The following ZNF215 variants were observed in gnomAD, a reference collection of about 807,000 sequenced individuals.
ZNF215 encodes zinc finger protein 215.
ZNF215 carries 24 observed loss-of-function variants against 27.2 expected under a neutral mutation model. The observed-to-expected ratio is 0.88, with a 90% CI of 0.64 to 1.24. ZNF215 has a LOEUF of 1.24. Ranked by LOEUF, ZNF215 falls within the 50% of genes most tolerant of loss-of-function variation. The pLI is 0.00. For missense variants in ZNF215, 675 were observed against 605.7 expected (o/e 1.11, Z -1.20); for synonymous variants, 210 against 204.0 (o/e 1.03, Z -0.25).
chr11:6,943,191 A>G lies in ZNF215; in HGVS notation c.592A>G (p.Arg198Gly), dbSNP rs1178686518. The change falls in exon 5 of 7, where the codon AGG (arginine) becomes GGG (glycine). Residue 198 changes from arginine (R) to glycine (G), a missense_variant. Physicochemically the swap from Arg to Gly is moderately radical, Grantham distance 125 (BLOSUM62 -2). Transcript: ENST00000278319. ...LYRNVMLENFRNLNSLRKAHL... is the reference protein window; with the variant it reads ...LYRNVMLENFGNLNSLRKAHL... ...CAGGAATGTGATGCTGGAAAACTTT[A>G]GGAACCTGAATTCATTGCGTAAAGG... The G allele has an allele frequency of 1.9e-6, 3 of 1,613,506 alleles. No homozygotes were observed. In the South Asian group the frequency reaches 3.3e-5, roughly 18 times the overall value.
At chr11:6,992,732 G>A (rs781045121), downstream of ZNF215, among the ~76,000 whole-genome samples, 2 of 152,182 alleles carry the variant, frequency 1.3e-5, no homozygotes, top group Non-Finnish European at 2.9e-5. Context: ...AGGTCTGAAC[G>A]AGTCATCCAG....
At chr11:6,940,617 T>G (rs1337908206) in intron 3 of ZNF215, among the ~76,000 whole-genome samples, 1 of 152,220 alleles carries the variant, frequency 6.6e-6, no homozygotes, top group African/African-American at 2.4e-5. Context: ...CCTGATGTGT[T>G]TTAAGAAGTC....
chr11:6,956,639 C>T lies in ZNF215; in HGVS notation c.*108C>T. 1 of 1,414,622 alleles carries T rather than the reference C, an allele frequency of 7.1e-7. No homozygotes were observed. Among genetic ancestry groups the T allele is most frequent in the Non-Finnish European group, 9.2e-7 (1 of 1,090,384 alleles). 87.6% of individuals were successfully genotyped at this position (1,414,622 alleles called of 1,614,324 possible). ...GAATATAATGTAAGAAAACATTTGT[C>T]AGATTTTTCTTTAAATGATATCACA... On this transcript the variant is annotated 3_prime_UTR_variant, in exon 7 of 7. Coordinates refer to ENST00000278319, the MANE Select transcript of ZNF215 (RefSeq NM_013250.4).
downstream of ZNF215, among the ~76,000 whole-genome samples, chr11:6,960,007 T>C (rs889192646): frequency 6.6e-6 from 1 of 152,122 alleles, no homozygotes; most frequent in Non-Finnish European, 1.5e-5. Flanking sequence ...TATGTTGATA[T>C]ATTTTTTGAA....
At position 6,953,594 on chromosome 11, in the gene ZNF215, C is replaced by T. The variant is rs577627232; in HGVS notation, c.713-2096C>T. On this transcript the variant is annotated intron_variant, in intron 6 of 6. Coordinates refer to ENST00000278319, the MANE Select transcript of ZNF215 (RefSeq NM_013250.4). ...TTGGTTTTCAGCTCCATCAGCTACTCTAAGCACTTCTCTGTATTGGTTATT... is the reference window on the plus strand; with the variant it reads ...TTGGTTTTCAGCTCCATCAGCTACTTTAAGCACTTCTCTGTATTGGTTATT... Among the ~76,000 whole-genome samples, 371 of 152,322 alleles carry T rather than the reference C, an allele frequency of 2.4e-3. 2 individuals are homozygous for T. Among genetic ancestry groups the T allele is most frequent in the African/African-American group, 7.8e-3 (325 of 41,580 alleles).
chr11:6,977,335 C>G (rs1306789903), intron 5 of ZNF215, among the ~76,000 whole-genome samples: 8 of 152,036 alleles, frequency 5.3e-5, no homozygotes, highest in Non-Finnish European at 1.2e-4. Context: ...TCCAGCATAT[C>G]TGTACTATAT....
At chr11:6,990,928 A>G (rs908867741), downstream of ZNF215, among the ~76,000 whole-genome samples, 3 of 152,266 alleles carry the variant, frequency 2.0e-5, no homozygotes, top group Non-Finnish European at 2.9e-5. Flanking sequence ...AGCAACAATT[A>G]TAAGAGCTTG....
At chr11:6,982,453 C>T (rs1361551946) in intron 5 of ZNF215, among the ~76,000 whole-genome samples, 1 of 152,146 alleles carries the variant, frequency 6.6e-6, no homozygotes, top group Non-Finnish European at 1.5e-5. Context: ...ACAGAATGTA[C>T]ATTTTTTTCA....
At chr11:6,958,895 C>G (rs1035184480), downstream of ZNF215, among the ~76,000 whole-genome samples, 1 of 152,122 alleles carries the variant, frequency 6.6e-6, no homozygotes, top group African/African-American at 2.4e-5. Flanking sequence ...CCAGTCTAGT[C>G]GTTCCAATTT....
intron 5 of ZNF215, among the ~76,000 whole-genome samples, chr11:6,972,308 TGAC>T (rs1850734073): frequency 6.6e-6 from 1 of 152,012 alleles, no homozygotes; most frequent in Non-Finnish European, 1.5e-5. Flanking sequence ...TGAATGGGTA[TGAC>T]TGTTAAAATA....
Position 6,943,116 on chromosome 11 carries a change from T to A in ZNF215, c.517T>A (p.Phe173Ile). The A allele has an allele frequency of 1.2e-6, 2 of 1,613,822 alleles. No individual in the cohort carries two copies. The highest frequency in any genetic ancestry group is 1.7e-6 in the Non-Finnish European group (2 of 1,179,892). Residue 173 changes from phenylalanine to isoleucine, a missense_variant, in exon 5 of 7, where the codon TTC becomes ATC. Coordinates refer to ENST00000278319, the MANE Select transcript of ZNF215 (RefSeq NM_013250.4). ...GACATTCAAAGATGTGGTTGTGGAATTCAGCAAGGAAGAGTGGGGGCAACT... is the reference window on the plus strand; with the variant it reads ...GACATTCAAAGATGTGGTTGTGGAAATCAGCAAGGAAGAGTGGGGGCAACT... ...PVTFKDVVVE[F>I]SKEEWGQLDS...
intron 6 of ZNF215, among the ~76,000 whole-genome samples, chr11:6,954,790 C>T (rs959854420): frequency 3.9e-5 from 6 of 152,206 alleles, no homozygotes; most frequent in Non-Finnish European, 5.9e-5. Flanking sequence ...AACCCAGTAC[C>T]TCAGATGGAA....
At chr11:6,981,016 A>G (rs2133353820) in intron 5 of ZNF215, among the ~76,000 whole-genome samples, 1 of 150,972 alleles carries the variant, frequency 6.6e-6, no homozygotes, top group Admixed American at 6.6e-5. Flanking sequence ...TCATTGTTGG[A>G]CATTTGGGTT....
chr11:6,950,379 C>A (rs1850005918), intron 6 of ZNF215, among the ~76,000 whole-genome samples: 1 of 151,718 alleles, frequency 6.6e-6, no homozygotes, highest in Non-Finnish European at 1.5e-5. Context: ...GAATGTTCTT[C>A]CATTTGTTTG....
At chr11:6,929,678 T>C (rs1849182376) in intron 2 of ZNF215, among the ~76,000 whole-genome samples, 1 of 152,204 alleles carries the variant, frequency 6.6e-6, no homozygotes, top group Admixed American at 6.5e-5. Flanking sequence ...GTCTCGAGGC[T>C]ACATACTGCC....
At chr11:6,951,400 A>G (rs189694264) in intron 6 of ZNF215, among the ~76,000 whole-genome samples, 1 of 152,310 alleles carries the variant, frequency 6.6e-6, no homozygotes, top group Non-Finnish European at 1.5e-5. Context: ...GATTGTTGCC[A>G]TAATTTCAGA....
chr11:6,978,253 C>T (rs1376806112), intron 5 of ZNF215, among the ~76,000 whole-genome samples: 1 of 151,932 alleles, frequency 6.6e-6, no homozygotes, highest in Admixed American at 6.6e-5. Context: ...CCTATACATG[C>T]AACATGGATG....
chr11:6,938,119 A>G (rs1849501873), intron 3 of ZNF215, among the ~76,000 whole-genome samples: 1 of 152,012 alleles, frequency 6.6e-6, no homozygotes, highest in African/African-American at 2.4e-5. Context: ...ATATCAGGAA[A>G]ATATAAAGAA....
chr11:6,932,314 A>G lies in ZNF215; in HGVS notation c.42A>G (p.Arg14=). 1 of 1,614,150 alleles carries G rather than the reference A, an allele frequency of 6.2e-7. No homozygotes were observed. Among genetic ancestry groups the G allele is most frequent in the Non-Finnish European group, 8.5e-7 (1 of 1,180,032 alleles). Residue 14 remains arginine, a synonymous_variant, in exon 3 of 7, where the codon CGA becomes CGG. Transcript: ENST00000278319. ...LSKLMAISKP[R]NLSLREQREV... ...AGTTGATGGCTATCTCAAAACCTCGAAACCTGTCTCTACGTGAACAAAGAG... is the reference window on the plus strand; with the variant it reads ...AGTTGATGGCTATCTCAAAACCTCGGAACCTGTCTCTACGTGAACAAAGAG...
Sources: allele counts gnomAD v4.1 joint callset (sites outside exome capture counted in the v4.1 genomes callset), GRCh38; gene constraint gnomAD v4.1.1; transcripts MANE v1.5; gene names NCBI Gene and HGNC (gene_info 2026-07-23, HGNC 2026-07-21).